Variants in TCF25 observed in about 807,000 individuals in gnomAD.
TCF25 encodes the protein TCF25 ribosome quality control complex subunit, also known as ribosome quality control complex subunit TCF25.
A neutral mutation model predicts 83.1 loss-of-function variants in TCF25; 41 were observed. That is an observed-to-expected ratio of 0.49 (90% confidence interval 0.38 to 0.64). The LOEUF is 0.64. Among genes scored for constraint, TCF25 ranks in the 30% least tolerant of loss-of-function variants. TCF25 has a pLI of 0.00. For synonymous variants in TCF25, 458 were observed against 365.0 expected (o/e 1.25, Z -2.90); for missense variants, 979 against 914.5 (o/e 1.07, Z -0.91).
In TCF25 at chr16:89,905,044, G is replaced by A; in HGVS notation, c.1576G>A (p.Val526Ile). ...MSWLEENVHE[V>I]LQAVDAGDPA... ...CTGGCTGGAGGAGAACGTCCACGAG[G>A]TTCTGCAAGCAGTGGACGCCGGGGA... The change falls in exon 14 of 18, where the codon GTT becomes ATT. Residue 526 changes from valine to isoleucine, a missense_variant. Coordinates refer to ENST00000263346, the MANE Select transcript of TCF25 (RefSeq NM_014972.3). 1 of 1,603,558 alleles carries A rather than the reference G, an allele frequency of 6.2e-7. No individual in the cohort carries two copies. Among genetic ancestry groups the A allele is most frequent in the Non-Finnish European group, 8.5e-7 (1 of 1,175,730 alleles).
chr16:89,904,989 C>T lies in TCF25; in HGVS notation c.1521C>T (p.His507=). 6.2e-7 allele frequency: 1 copy of T among 1,607,960 alleles called. No homozygotes were observed. Among genetic ancestry groups the T allele is most frequent in the Non-Finnish European group, 8.5e-7 (1 of 1,177,604 alleles). Residue 507 remains histidine (H), a synonymous_variant, in exon 14 of 18, where the codon CAC becomes CAT. Coordinates refer to ENST00000263346, the MANE Select transcript of TCF25 (RefSeq NM_014972.3). ...TGAACCTGTACCTTGGGAGGTCACA[C>T]TTTCTCTGGAAAGAGCCCGCCACCA... is the stretch of plus-strand genomic sequence containing the variant. The part of the protein sequence containing the change: ...QLVNLYLGRS[H]FLWKEPATMS...
At chr16:89,884,260 AG>A (rs1309098144) in intron 2 of TCF25, among the ~76,000 whole-genome samples, 6 of 152,152 alleles carry the variant, frequency 3.9e-5, no homozygotes, top group African/African-American at 1.4e-4. Flanking sequence ...GGGCACAGCA[AG>A]GCCCCCGTCT....
chr16:89,875,111 C>T (rs1052998584), intron 1 of TCF25, among the ~76,000 whole-genome samples: 1 of 152,152 alleles, frequency 6.6e-6, no homozygotes, highest in Admixed American at 6.5e-5. Flanking sequence ...ATAGTCCTCT[C>T]ACCTTGGCCT....
At chr16:89,889,472 C>T in intron 5 of TCF25, 1 of 207,400 alleles carries the variant, frequency 4.8e-6, no homozygotes, top group Non-Finnish European at 9.8e-6. Context: ...CCACCACGCC[C>T]AGCCAGACAC....
chr16:89,886,898 G>A (rs1336438177), intron 4 of TCF25, among the ~76,000 whole-genome samples: 1 of 152,146 alleles, frequency 6.6e-6, no homozygotes, highest in Non-Finnish European at 1.5e-5. Flanking sequence ...GATCGAGATC[G>A]CGCCACTGCA....
rs2042346857 is a variant in TCF25 at position 89,878,369 on chromosome 16, T to G, written c.192+4510T>G. 7.9e-6 allele frequency: 9 copies of G among 1,144,414 alleles called. No individual in the cohort carries two copies. In the South Asian group the frequency reaches 1.5e-4, roughly 19 times the overall value. 70.9% of individuals were successfully genotyped at this position (1,144,414 alleles called of 1,614,324 possible). ...GGGAGGCCAAGGCGGGTGGACCACC[T>G]GAGGTCAGGAGTTCGAGACCAGCCT... On this transcript the variant is annotated intron_variant, in intron 1 of 17. Transcript: ENST00000263346.
chr16:89,883,821 T>TCCCTCCTA lies in TCF25; in HGVS notation c.354+309_354+310insCCCTCCTA, dbSNP rs1567700350. The TCCCTCCTA allele has an allele frequency of 4.1e-4, 116 of 283,048 alleles. 1 individual carries two copies. Among genetic ancestry groups the TCCCTCCTA allele is most frequent in the African/African-American group, 3.0e-3 (96 of 32,490 alleles). The allele number at this position is 283,048 out of a possible 1,614,324, so 17.5% of individuals were successfully genotyped here. A position where few individuals can be genotyped will look rare whatever the true frequency, so the allele number is the denominator to read the frequency against. On this transcript the variant is annotated intron_variant, in intron 2 of 17. Transcript: ENST00000263346. ...CCTCCTAGCCGACCGCGCACGTGTG[T>TCCCTCCTA]GCCTCCTAGCCGACCGCGCACGTGT...
At chr16:89,875,518 T>G (rs1008486329) in intron 1 of TCF25, among the ~76,000 whole-genome samples, 6 of 129,236 alleles carry the variant, frequency 4.6e-5, no homozygotes, top group South Asian at 2.8e-4. Flanking sequence ...CGTGAGTTTT[T>G]TTTTTTTTTT....
intron 13 of TCF25, 104 bp downstream of exon 13, chr16:89,904,309 G>A: frequency 7.7e-7 from 1 of 1,291,856 alleles, no homozygotes; most frequent in Non-Finnish European, 1.1e-6. Context: ...GCTTCCAGCA[G>A]CAGGAGGGGC....
chr16:89,899,728 CA>C (rs570020965), intron 11 of TCF25, among the ~76,000 whole-genome samples: 205 of 132,998 alleles, frequency 1.5e-3, no homozygotes, highest in East Asian at 1.7e-3. Flanking sequence ...AACTCCGTCT[CA>C]AAAAAAAAAA....
intron 10 of TCF25, 36 bp downstream of exon 10, chr16:89,898,685 C>A: frequency 3.7e-6 from 6 of 1,612,024 alleles, no homozygotes; most frequent in Non-Finnish European, 5.1e-6. Flanking sequence ...CGTCCACGCT[C>A]CCTGTCCTGG....
intron 1 of TCF25, chr16:89,878,696 A>G (rs1488490980): frequency 5.9e-6 from 6 of 1,022,506 alleles, no homozygotes; most frequent in African/African-American, 5.2e-5. Context: ...GCTGGAGTGC[A>G]GTGGCACCAT....
In TCF25 at chr16:89,904,176, C is replaced by G. The variant is rs371328628; in HGVS notation, c.1440C>G (p.His480Gln). The change falls in exon 13 of 18, where the codon CAC becomes CAG. Residue 480 changes from histidine to glutamine, a missense_variant. Coordinates refer to ENST00000263346, the MANE Select transcript of TCF25 (RefSeq NM_014972.3). ...GGCCCGACGCCAGCGTTTCCAGTCACCGCTTCTTTGGACCCAATGCTGAAA... is the reference window on the plus strand; with the variant it reads ...GGCCCGACGCCAGCGTTTCCAGTCAGCGCTTCTTTGGACCCAATGCTGAAA... The part of the protein sequence containing the change: ...SVRPDASVSS[H>Q]RFFGPNAEIS... 7 of 1,596,838 alleles carry G rather than the reference C, an allele frequency of 4.4e-6. No homozygotes were observed. The highest frequency in any genetic ancestry group is 5.1e-6 in the Non-Finnish European group (6 of 1,171,626).
intron 16 of TCF25, chr16:89,910,277 T>A (rs960852882): frequency 3.5e-5 from 15 of 424,674 alleles, no homozygotes; most frequent in Admixed American, 7.9e-5. Flanking sequence ...CTGCAGCTTT[T>A]CTGAAAAGCA....
rs1027231032 is a variant in TCF25, at chr16:89,898,437, G to A, written c.1023-120G>A. 69 of 895,462 alleles carry A rather than the reference G, an allele frequency of 7.7e-5. 2 individuals are homozygous for A. In the African/African-American group the frequency reaches 9.2e-4, roughly 12 times the overall value. 55.5% of individuals were successfully genotyped at this position (895,462 alleles called of 1,614,324 possible). A position where few individuals can be genotyped will look rare whatever the true frequency, so the allele number is the denominator to read the frequency against. On this transcript the variant is annotated intron_variant, in intron 9 of 17. Coordinates refer to ENST00000263346, the MANE Select transcript of TCF25 (RefSeq NM_014972.3). ...GCTGAGCAGTGTGTGGGGTGGAATG[G>A]GTGGTACTGGCCAGGACGCTGAGCA...
chr16:89,896,999 C>T (rs1597343909), intron 9 of TCF25, among the ~76,000 whole-genome samples: 1 of 151,624 alleles, frequency 6.6e-6, no homozygotes, highest in South Asian at 2.1e-4. Flanking sequence ...TGCACTCCAG[C>T]CTGGGCAGCA....
rs1030713295 is a variant in TCF25, at chr16:89,886,927, A to G, written c.549-725A>G. Among the ~76,000 whole-genome samples the G allele has an allele frequency of 9.9e-5, 15 of 152,188 alleles. 1 individual carries two copies. Among genetic ancestry groups the G allele is most frequent in the Admixed American group, 5.2e-4 (8 of 15,272 alleles). ...CACTGCACTCCAGCCTGGGTGATACAGCGAGACTCTGTCTCCCGACAAAAG... is the reference window on the plus strand; with the variant it reads ...CACTGCACTCCAGCCTGGGTGATACGGCGAGACTCTGTCTCCCGACAAAAG... On this transcript the variant is annotated intron_variant, in intron 4 of 17. Coordinates refer to ENST00000263346, the MANE Select transcript of TCF25 (RefSeq NM_014972.3).
At chr16:89,885,738 G>T in intron 3 of TCF25, 110 bp from the exon 4 acceptor site, 1 of 879,834 alleles carries the variant, frequency 1.1e-6, no homozygotes, top group South Asian at 1.5e-5. Flanking sequence ...TGTCCTTTAG[G>T]AAGTAAATAC....
chr16:89,900,713 G>T lies in TCF25; in HGVS notation c.1300G>T (p.Asp434Tyr). ...GTATTTCCTGCTGAGCCAGCAGACAGACCTCCCTGAGTGTGAGCAGAGCTC... is the reference window on the plus strand; with the variant it reads ...GTATTTCCTGCTGAGCCAGCAGACATACCTCCCTGAGTGTGAGCAGAGCTC... ...LAYFLLSQQT[D>Y]LPECEQSSAR... Residue 434 changes from aspartate to tyrosine, a missense_variant, in exon 12 of 18, where the codon GAC becomes TAC. Physicochemically the swap from Asp to Tyr is radical, Grantham distance 160. Transcript: ENST00000263346. The T allele has an allele frequency of 6.2e-6, 10 of 1,607,018 alleles. No homozygotes were observed. Among genetic ancestry groups the T allele is most frequent in the Non-Finnish European group, 8.5e-6 (10 of 1,174,034 alleles).
Sources: gnomAD v4.1 joint callset for allele counts (sites outside exome capture counted in the v4.1 genomes callset) on GRCh38, gnomAD v4.1.1 for gene constraint, MANE v1.5 for transcripts, NCBI Gene and HGNC (gene_info 2026-07-23, HGNC 2026-07-21) for gene names.